The following CLIP4 variants were observed in gnomAD, a reference collection of about 807,000 sequenced individuals.
The protein encoded by CLIP4 is CAP-Gly domain-containing linker protein 4.
A neutral mutation model predicts 73.1 loss-of-function variants in CLIP4; 47 were observed. That is an observed-to-expected ratio of 0.64 (90% CI 0.51 to 0.82). The LOEUF (loss-of-function observed/expected upper bound fraction) is 0.82. CLIP4 is among the 40% of genes least tolerant of loss of function. The pLI is 0.00. For synonymous variants in CLIP4, 306 were observed against 295.4 expected (o/e 1.04, Z -0.37); for missense variants, 874 against 852.9 (o/e 1.02, Z -0.31).
At chr2:29,101,590 C>T (rs764286142) in intron 1 of CLIP4, among the ~76,000 whole-genome samples, 2 of 152,162 alleles carry the variant, frequency 1.3e-5, no homozygotes, top group East Asian at 3.9e-4. Flanking sequence ...GGGTCTGCCT[C>T]TCCCAGCCCA....
intron 15 of CLIP4, among the ~76,000 whole-genome samples, chr2:29,178,662 T>C (rs1394682941): frequency 6.6e-6 from 1 of 152,158 alleles, no homozygotes; most frequent in Non-Finnish European, 1.5e-5. Flanking sequence ...CAATAATAAA[T>C]GAAAAAAATC....
intron 6 of CLIP4, among the ~76,000 whole-genome samples, chr2:29,140,484 A>G (rs561292922): frequency 2.2e-4 from 33 of 152,062 alleles, no homozygotes; most frequent in Admixed American, 5.2e-4. Context: ...TATCATTGTC[A>G]GACATTTGGG....
chr2:29,124,528 A>C (rs538675113), intron 2 of CLIP4, among the ~76,000 whole-genome samples: 1 of 152,078 alleles, frequency 6.6e-6, no homozygotes, highest in African/African-American at 2.4e-5. Context: ...ATTTAAAAAA[A>C]TTTTTTGTCT....
chr2:29,147,350 C>G lies in CLIP4; in HGVS notation c.1021+1983C>G, dbSNP rs189540373. ...AAAAGGATGAGTTTTAAAATACATA[C>G]TTATGATATTAAGCTTTATTTATTA... is the stretch of plus-strand genomic sequence containing the variant. On this transcript the variant is annotated intron_variant, in intron 8 of 15. Coordinates refer to ENST00000320081, the MANE Select transcript of CLIP4 (RefSeq NM_024692.6). Among the ~76,000 whole-genome samples the G allele has an allele frequency of 4.2e-4, 64 of 152,114 alleles. No individual in the cohort carries two copies. The East Asian group carries it at 0.012, about 28-fold the overall frequency.
intron 1 of CLIP4, among the ~76,000 whole-genome samples, 167 bp from the exon 2 acceptor site, chr2:29,121,207 T>C (rs2148462693): frequency 6.6e-6 from 1 of 152,324 alleles, no homozygotes; most frequent in Admixed American, 6.5e-5. Flanking sequence ...ATGTATGCCT[T>C]TTAACAACAG....
At chr2:29,151,798 T>C (rs1408338763) in intron 8 of CLIP4, among the ~76,000 whole-genome samples, 3 of 152,130 alleles carry the variant, frequency 2.0e-5, no homozygotes, top group African/African-American at 7.2e-5. Flanking sequence ...TTTTTAAATA[T>C]CTTAGCCAGA....
At chr2:29,125,506 C>G (rs888375426) in intron 2 of CLIP4, among the ~76,000 whole-genome samples, 1 of 152,168 alleles carries the variant, frequency 6.6e-6, no homozygotes, top group Non-Finnish European at 1.5e-5. Context: ...CTCCTCGACT[C>G]AGTGAGTCCA....
At position 29,115,671 on chromosome 2, in the gene CLIP4, CCGGGGGCGCGCGGGG is replaced by C. The variant is rs1192174462; in HGVS notation, c.-16+8_-16+22del. 1 of 147,346 alleles carries C rather than the reference CCGGGGGCGCGCGGGG, an allele frequency of 6.8e-6. No individual in the cohort carries two copies. The allele number at this position is 147,346 out of a possible 1,614,324, so 9.1% of individuals were successfully genotyped here. On this transcript the variant is annotated splice_region_variant and intron_variant, in intron 1 of 15. Coordinates refer to ENST00000320081, the MANE Select transcript of CLIP4 (RefSeq NM_024692.6). This position sits in a 1 kb window ranked among gnomAD's most constrained non-coding sequence, Gnocchi z 5.1. ...AGAGGACCCGGAGGAGGCAGGTGGGCCGGGGGCGCGCGGGGCCCCCCCGGGCCGCGGGCTGGCCGG... is the reference window on the plus strand; with the variant it reads ...AGAGGACCCGGAGGAGGCAGGTGGGCCCCCCCCGGGCCGCGGGCTGGCCGG...
intron 1 of CLIP4, among the ~76,000 whole-genome samples, chr2:29,116,044 G>C (rs1400641902): frequency 6.6e-6 from 1 of 152,184 alleles, no homozygotes; most frequent in African/African-American, 2.4e-5. Flanking sequence ...TTCCAACGCG[G>C]CCTCTTCCCA....
At chr2:29,164,810 T>A (rs1032998097) in intron 13 of CLIP4, among the ~76,000 whole-genome samples, 1 of 152,234 alleles carries the variant, frequency 6.6e-6, no homozygotes, top group African/African-American at 2.4e-5. Context: ...TCTGAGTGAA[T>A]CATTACATAT....
chr2:29,118,997 A>C (rs1480551714), intron 1 of CLIP4, among the ~76,000 whole-genome samples: 3 of 152,208 alleles, frequency 2.0e-5, no homozygotes, highest in Non-Finnish European at 2.9e-5. Context: ...GCTTTTAGGA[A>C]ATGAATCTGA....
chr2:29,128,248 C>T (rs929489395), intron 2 of CLIP4, among the ~76,000 whole-genome samples: 5 of 149,530 alleles, frequency 3.3e-5, no homozygotes, highest in Non-Finnish European at 7.4e-5. Flanking sequence ...TGAAAAATCC[C>T]AGAGTTAGTC....
intron 1 of CLIP4, among the ~76,000 whole-genome samples, chr2:29,110,167 G>A (rs1668348161): frequency 1.3e-5 from 2 of 152,194 alleles, no homozygotes; most frequent in South Asian, 4.1e-4. Context: ...AGATATCCAG[G>A]TGATTCTAAT....
intron 5 of CLIP4, among the ~76,000 whole-genome samples, chr2:29,134,028 G>C (rs1423858582): frequency 6.6e-6 from 1 of 152,140 alleles, no homozygotes; most frequent in African/African-American, 2.4e-5. Flanking sequence ...GATACAAAAT[G>C]AAAGAGTGTT....
At chr2:29,138,216 C>A (rs888512912) in intron 6 of CLIP4, among the ~76,000 whole-genome samples, 23 of 152,210 alleles carry the variant, frequency 1.5e-4, no homozygotes, top group Middle Eastern at 3.4e-3. Context: ...TTTCATTGTT[C>A]TGCATATGGC....
At chr2:29,137,304 A>G (rs1665437805) in intron 6 of CLIP4, among the ~76,000 whole-genome samples, 1 of 151,970 alleles carries the variant, frequency 6.6e-6, no homozygotes, top group Admixed American at 6.6e-5. Flanking sequence ...TTCTGCATTA[A>G]TTTTCTTAGG....
At chr2:29,137,818 TG>T (rs1665477426) in intron 6 of CLIP4, among the ~76,000 whole-genome samples, 1 of 152,246 alleles carries the variant, frequency 6.6e-6, no homozygotes, top group African/African-American at 2.4e-5. Context: ...TGTCTTCTTT[TG>T]AGAAGTGTCT....
chr2:29,163,385 T>C (rs907639655), intron 12 of CLIP4, among the ~76,000 whole-genome samples: 4 of 152,080 alleles, frequency 2.6e-5, no homozygotes, highest in African/African-American at 9.6e-5. Flanking sequence ...TGAGCACTGT[T>C]TGTGGTGTTC....
chr2:29,165,102 C>T (rs1309247867), intron 13 of CLIP4, among the ~76,000 whole-genome samples: 1 of 152,114 alleles, frequency 6.6e-6, no homozygotes, highest in Non-Finnish European at 1.5e-5. Flanking sequence ...TAGGATCATT[C>T]CCATTTTGCA....
Sources: gnomAD v4.1 joint callset for allele counts (sites outside exome capture counted in the v4.1 genomes callset) on GRCh38, gnomAD v4.1.1 for gene constraint, Gnocchi (gnomAD v3.1) non-coding constraint, MANE v1.5 for transcripts, NCBI Gene and HGNC (gene_info 2026-07-23, HGNC 2026-07-21) for gene names.